MICAL3: variants seen among roughly 807,000 people sequenced by gnomAD.
MICAL3 encodes microtubule associated monooxygenase, calponin and LIM domain containing 3.
MICAL3 carries 62 observed loss-of-function variants against 207.4 expected under a neutral mutation model. The observed-to-expected ratio is 0.30, with a 90% CI of 0.24 to 0.37. The LOEUF (loss-of-function observed/expected upper bound fraction) is 0.37. Among genes scored for constraint, MICAL3 ranks in the 10% least tolerant of loss-of-function variants. The pLI, the probability that MICAL3 is intolerant of heterozygous loss-of-function variation, is 1.00. For missense variants in MICAL3, 2,368 were observed against 2,635.6 expected (o/e 0.90, Z 2.22); for synonymous variants, 1,077 against 1,069.3 (o/e 1.01, Z -0.14).
chr22:17,795,962 G>A (rs1240315734), intron 29 of MICAL3, among the ~76,000 whole-genome samples: 1 of 152,150 alleles, frequency 6.6e-6, no homozygotes, highest in East Asian at 1.9e-4. Flanking sequence ...TAGAAGACTT[G>A]GTTCACTGGT....
At chr22:17,962,908 C>G (rs1934975568) in intron 1 of MICAL3, among the ~76,000 whole-genome samples, 1 of 151,986 alleles carries the variant, frequency 6.6e-6, no homozygotes, top group South Asian at 2.1e-4. Flanking sequence ...ACCACCATGC[C>G]CAGCTAAATT....
chr22:17,872,008 CCTT>C lies in MICAL3; in HGVS notation c.2254_2256del (p.Lys752del), dbSNP rs1288120431. 1.2e-6 allele frequency: 2 copies of C among 1,605,286 alleles called. No individual in the cohort carries two copies. Among genetic ancestry groups the C allele is most frequent in the Non-Finnish European group, 1.7e-6 (2 of 1,176,318 alleles). On this transcript the variant is annotated inframe_deletion, in exon 17 of 32. Transcript: ENST00000441493. ...CTGCCTCCCAGGTTCTGCGGGAACT[CCTT>C]CTTCATGGAGCCCTGCAGGAGGTGG...
At chr22:17,842,890 T>A (rs777278421) in intron 19 of MICAL3, among the ~76,000 whole-genome samples, 1 of 152,090 alleles carries the variant, frequency 6.6e-6, no homozygotes, top group East Asian at 1.9e-4. Context: ...GGGAGGCCGA[T>A]GCAGGTGGAT....
At position 17,871,975 on chromosome 22, in the gene MICAL3, A is replaced by T. The variant is rs751384624; in HGVS notation, c.2290T>A (p.Cys764Ser). The T allele has an allele frequency of 3.1e-6, 5 of 1,611,010 alleles. No individual in the cohort carries two copies. The Admixed American group carries it at 8.4e-5, about 27-fold the overall frequency. ...TAGACCCGCTTCTGGCAGAAGTAGC[A>T]TGTGTCGCTGCCTCCCAGGTTCTGC... is the stretch of plus-strand genomic sequence containing the variant. ...FPQNLGGSDT[C>S]YFCQKRVYVM... The change falls in exon 17 of 32, where the codon TGC becomes AGC. Residue 764 changes from cysteine (C) to serine (S), a missense_variant. Cys to Ser is a moderately radical substitution (Grantham distance 112). This residue lies in a region of MICAL3 where 1,770 missense variants were observed against 1,863.2 expected (regional missense o/e 0.95). Coordinates refer to ENST00000441493, the MANE Select transcript of MICAL3 (RefSeq NM_015241.3).
intron 19 of MICAL3, among the ~76,000 whole-genome samples, chr22:17,845,381 A>T (rs978571361): frequency 6.6e-6 from 1 of 152,188 alleles, no homozygotes; most frequent in Non-Finnish European, 1.5e-5. Flanking sequence ...GGACCACGGG[A>T]AACAAAGCAG....
At chr22:17,906,144 A>G (rs1931700622) in intron 2 of MICAL3, among the ~76,000 whole-genome samples, 1 of 152,244 alleles carries the variant, frequency 6.6e-6, no homozygotes, top group African/African-American at 2.4e-5. Context: ...GAGCTTCAGC[A>G]AAATAAAAGG....
chr22:17,925,802 A>G (rs1932907552), intron 1 of MICAL3, among the ~76,000 whole-genome samples: 1 of 151,596 alleles, frequency 6.6e-6, no homozygotes, highest in Non-Finnish European at 1.5e-5. Context: ...CTTCACCATG[A>G]CAGATCTTAG....
At chr22:17,930,802 A>G (rs944238467) in intron 1 of MICAL3, among the ~76,000 whole-genome samples, 2 of 152,252 alleles carry the variant, frequency 1.3e-5, no homozygotes, top group African/African-American at 2.4e-5. Context: ...AGCAGTGGCC[A>G]TGAGGTGAAG....
At chr22:17,992,326 G>T (rs1447006459) in intron 1 of MICAL3, among the ~76,000 whole-genome samples, 1 of 152,158 alleles carries the variant, frequency 6.6e-6, no homozygotes, top group Non-Finnish European at 1.5e-5. Context: ...CAGGGGGTAG[G>T]CAAATTCTAG....
chr22:17,888,711 C>A (rs964502524), intron 13 of MICAL3, among the ~76,000 whole-genome samples: 2 of 152,150 alleles, frequency 1.3e-5, no homozygotes, highest in African/African-American at 4.8e-5. Context: ...GCAGAGGCCA[C>A]AAGCACAAGC....
intron 1 of MICAL3, among the ~76,000 whole-genome samples, chr22:17,971,084 G>A (rs1441473497): frequency 6.6e-6 from 1 of 152,168 alleles, no homozygotes; most frequent in African/African-American, 2.4e-5. Flanking sequence ...GGCTGAGGTG[G>A]GAAGACCACT....
chr22:17,898,771 C>T (rs1269345973), intron 7 of MICAL3, among the ~76,000 whole-genome samples: 2 of 152,288 alleles, frequency 1.3e-5, no homozygotes, highest in African/African-American at 4.8e-5. Flanking sequence ...ATATTTCAGG[C>T]CATCATCTCA....
chr22:17,928,396 A>G (rs5747422), intron 1 of MICAL3, among the ~76,000 whole-genome samples: 111,189 of 150,754 alleles, frequency 0.74, 41,593 homozygotes, highest in African/African-American at 0.86. Context: ...CCAAGATTGC[A>G]CCACTGCACA....
chr22:17,865,005 A>C lies in MICAL3; in HGVS notation c.2518-19T>G, dbSNP rs773845050. On this transcript the variant is annotated intron_variant, in intron 18 of 31. Transcript: ENST00000441493. ...TGGCCTCCTAGGAAAGTTCATGAGA[A>C]AAAGAAGAGTGACTCTGACTGATGC... 8.8e-6 allele frequency: 14 copies of C among 1,591,338 alleles called. No homozygotes were observed. The highest frequency in any genetic ancestry group is 1.1e-5 in the Non-Finnish European group (13 of 1,163,758).
At chr22:17,869,827 A>C (rs1194322846) in intron 17 of MICAL3, among the ~76,000 whole-genome samples, 1 of 152,188 alleles carries the variant, frequency 6.6e-6, no homozygotes, top group Non-Finnish European at 1.5e-5. Flanking sequence ...TTCTAATTAC[A>C]GTAATAAAAA....
intron 22 of MICAL3, among the ~76,000 whole-genome samples, chr22:17,823,786 T>A (rs1370714494): frequency 6.6e-6 from 1 of 152,140 alleles, no homozygotes; most frequent in East Asian, 1.9e-4. Flanking sequence ...CCAAAACACT[T>A]CTGGTCTCAA....
chr22:17,965,631 G>A (rs1305827743), intron 1 of MICAL3, among the ~76,000 whole-genome samples: 3 of 152,204 alleles, frequency 2.0e-5, no homozygotes, highest in Non-Finnish European at 4.4e-5. Context: ...AAAGGAGACA[G>A]AGAGGCTACG....
chr22:18,007,983 G>A (rs1296092819), intron 1 of MICAL3, among the ~76,000 whole-genome samples: 1 of 147,754 alleles, frequency 6.8e-6, no homozygotes, highest in East Asian at 2.0e-4. Context: ...GTTCCCGCCT[G>A]TAATCTCAGC....
At chr22:17,967,831 G>C (rs1478233535) in intron 1 of MICAL3, among the ~76,000 whole-genome samples, 1 of 152,092 alleles carries the variant, frequency 6.6e-6, no homozygotes, top group Non-Finnish European at 1.5e-5. Flanking sequence ...CAGATCACTA[G>C]GTCAGGAGTT....
Sources: allele counts gnomAD v4.1 joint callset (sites outside exome capture counted in the v4.1 genomes callset), GRCh38; gene constraint gnomAD v4.1.1; regional missense constraint gnomAD v4.1.1; transcripts MANE v1.5; gene names NCBI Gene and HGNC (gene_info 2026-07-23, HGNC 2026-07-21).